Variants in CNTN5 observed in about 807,000 individuals in gnomAD.
The protein encoded by CNTN5 is contactin 5.
A neutral mutation model predicts 129.1 loss-of-function variants in CNTN5; 77 were observed. That is an observed-to-expected ratio of 0.60 (90% CI 0.50 to 0.72). The LOEUF (loss-of-function observed/expected upper bound fraction) is 0.72, where lower values mean the gene tolerates loss of function less well. Ranked by LOEUF, CNTN5 falls within the 30% of genes least tolerant of loss-of-function variation. CNTN5 has a pLI of 0.00. For synonymous variants in CNTN5, 509 were observed against 465.6 expected (o/e 1.09, Z -1.20); for missense variants, 1,478 against 1,328.8 (o/e 1.11, Z -1.75).
intron 1 of CNTN5, among the ~76,000 whole-genome samples, chr11:99,085,414 T>G (rs908012622): frequency 6.6e-6 from 1 of 152,160 alleles, no homozygotes; most frequent in East Asian, 1.9e-4. Context: ...CAGCTTGAGA[T>G]CCTGAGTTTT....
At chr11:100,286,676 G>A (rs1280697670) in intron 18 of CNTN5, among the ~76,000 whole-genome samples, 1 of 149,870 alleles carries the variant, frequency 6.7e-6, no homozygotes, top group Non-Finnish European at 1.5e-5. Context: ...CAGAAAAACT[G>A]GAAACTCTAA....
chr11:99,646,148 A>G (rs1249062542), intron 3 of CNTN5, among the ~76,000 whole-genome samples: 1 of 152,154 alleles, frequency 6.6e-6, no homozygotes, highest in Non-Finnish European at 1.5e-5. Context: ...GCAGTCGAAA[A>G]CATTGGCTCT....
chr11:99,154,338 G>A lies in CNTN5; in HGVS notation c.-210+133068G>A, dbSNP rs188985060. Among the ~76,000 whole-genome samples, 271 of 152,294 alleles carry A rather than the reference G, an allele frequency of 1.8e-3. 4 individuals are homozygous for A. The highest frequency in any genetic ancestry group is 0.01 in the Admixed American group (154 of 15,304). ...TATCACTTGAGACACCAGTTGTTGC[G>A]GGGCTGCTGGCCTCCATGCATGCAT... is the stretch of plus-strand genomic sequence containing the variant. On this transcript the variant is annotated intron_variant, in intron 1 of 24. Transcript: ENST00000524871.
chr11:100,351,657 T>TAAAAA (rs60798966), intron 24 of CNTN5, among the ~76,000 whole-genome samples: 8 of 103,610 alleles, frequency 7.7e-5, no homozygotes, highest in African/African-American at 2.7e-4. Context: ...GTAGAGATAG[T>TAAAAA]AAAAAAAAAA....
intron 1 of CNTN5, among the ~76,000 whole-genome samples, chr11:99,223,909 C>A (rs1860538105): frequency 6.6e-6 from 1 of 152,130 alleles, no homozygotes; most frequent in African/African-American, 2.4e-5. Flanking sequence ...TTTCCAGTTC[C>A]CTTAACCATT....
intron 2 of CNTN5, among the ~76,000 whole-genome samples, chr11:99,399,325 C>A (rs942805135): frequency 1.3e-5 from 2 of 151,744 alleles, no homozygotes; most frequent in East Asian, 1.9e-4. Flanking sequence ...TTGAAAAATT[C>A]TAAATTATGA....
At chr11:99,064,124 G>T (rs574849026) in intron 1 of CNTN5, among the ~76,000 whole-genome samples, 6 of 152,170 alleles carry the variant, frequency 3.9e-5, no homozygotes, top group Admixed American at 2.6e-4. Context: ...TATTTAAAAT[G>T]AGTCATGAGT....
chr11:99,427,730 C>A (rs963386463), intron 2 of CNTN5, among the ~76,000 whole-genome samples: 11 of 129,692 alleles, frequency 8.5e-5, no homozygotes, highest in African/African-American at 3.3e-4. Context: ...CCTGTCACTG[C>A]ACTCCAGCCT....
At chr11:99,305,620 A>G (rs1383292562) in intron 1 of CNTN5, among the ~76,000 whole-genome samples, 1 of 152,202 alleles carries the variant, frequency 6.6e-6, no homozygotes, top group Non-Finnish European at 1.5e-5. Flanking sequence ...TGTTAGTGCT[A>G]GTCAGAATTG....
chr11:99,736,704 G>A (rs1242691442), intron 3 of CNTN5, among the ~76,000 whole-genome samples: 6 of 151,970 alleles, frequency 3.9e-5, no homozygotes, highest in Non-Finnish European at 7.4e-5. Context: ...ATACATTGAC[G>A]GTGATATTTA....
intron 1 of CNTN5, among the ~76,000 whole-genome samples, chr11:99,110,519 G>A (rs924281109): frequency 2.6e-5 from 4 of 152,110 alleles, no homozygotes; most frequent in Non-Finnish European, 4.4e-5. Context: ...CATACCACCA[G>A]CAAAGGTGGT....
chr11:99,460,669 T>C (rs1944663033), intron 2 of CNTN5, among the ~76,000 whole-genome samples: 1 of 151,970 alleles, frequency 6.6e-6, no homozygotes, highest in Admixed American at 6.6e-5. Context: ...TAAAGCGATT[T>C]TTAAAAACTT....
At chr11:99,833,764 T>C (rs1027770616) in intron 4 of CNTN5, among the ~76,000 whole-genome samples, 18 of 152,172 alleles carry the variant, frequency 1.2e-4, no homozygotes, top group African/African-American at 4.3e-4. Context: ...GATCATCCTG[T>C]TCAAGACCCT....
rs867931294 is a variant in CNTN5, at chr11:100,297,667, G to C, written c.2357G>C (p.Arg786Thr). The C allele has an allele frequency of 6.2e-7, 1 of 1,604,966 alleles. No homozygotes were observed. The highest frequency in any genetic ancestry group is 1.3e-5 in the African/African-American group (1 of 74,494). ...ACCAATGTAAGCGGAAGAAGTGGAA[G>C]AAGGCATGAGTTAGTCATTGCCTGG... ...APTNVSGRSGRRHELVIAWEP... is the reference protein window; with the variant it reads ...APTNVSGRSGTRHELVIAWEP... The change falls in exon 19 of 25, where the codon AGA becomes ACA. Residue 786 changes from arginine (R) to threonine (T), a missense_variant. Arg to Thr is a moderately conservative substitution (Grantham distance 71). Coordinates refer to ENST00000524871, the MANE Select transcript of CNTN5 (RefSeq NM_014361.4).
intron 4 of CNTN5, among the ~76,000 whole-genome samples, chr11:99,832,395 C>T (rs908581828): frequency 9.2e-5 from 14 of 152,094 alleles, no homozygotes; most frequent in Non-Finnish European, 2.1e-4. Flanking sequence ...ATCCTCTGAC[C>T]TCTCTTTTAT....
At chr11:100,085,350 C>T (rs1591208309) in intron 13 of CNTN5, among the ~76,000 whole-genome samples, 1 of 151,988 alleles carries the variant, frequency 6.6e-6, no homozygotes, top group Admixed American at 6.6e-5. Context: ...GTAATCAGCA[C>T]AACAAAACTT....
intron 13 of CNTN5, among the ~76,000 whole-genome samples, chr11:100,161,670 A>ATACT (rs1193084688): frequency 6.6e-6 from 1 of 151,812 alleles, no homozygotes; most frequent in East Asian, 1.9e-4. Context: ...AAAATGAATA[A>ATACT]TACTTATATC....
intron 16 of CNTN5, among the ~76,000 whole-genome samples, chr11:100,255,490 A>AT (rs946825915): frequency 2.0e-5 from 3 of 151,782 alleles, no homozygotes; most frequent in African/African-American, 7.3e-5. Flanking sequence ...GTTTCTCATT[A>AT]TTTTTTCTTT....
At chr11:99,377,384 T>C (rs1198340331) in intron 2 of CNTN5, among the ~76,000 whole-genome samples, 1 of 152,180 alleles carries the variant, frequency 6.6e-6, no homozygotes, top group Non-Finnish European at 1.5e-5. Context: ...TGTTTATGTC[T>C]GGTAGAGAAT....
Sources: allele counts gnomAD v4.1 joint callset (sites outside exome capture counted in the v4.1 genomes callset), GRCh38; gene constraint gnomAD v4.1.1; transcripts MANE v1.5; gene names NCBI Gene and HGNC (gene_info 2026-07-23, HGNC 2026-07-21).